Variants in CDH13 observed in about 807,000 individuals in gnomAD.
CDH13 encodes the protein cadherin-13.
In CDH13, 24 loss-of-function variants were observed where a neutral mutation model predicts 63.8. The observed-to-expected ratio is 0.38, with a 90% CI of 0.27 to 0.53. The LOEUF (loss-of-function observed/expected upper bound fraction) is 0.53, where lower values mean the gene tolerates loss of function less well. Among genes scored for constraint, CDH13 ranks in the 20% least tolerant of loss-of-function variants. The pLI, the probability that CDH13 is intolerant of heterozygous loss-of-function variation, is 0.85. For missense variants in CDH13, 1,049 were observed against 903.1 expected (o/e 1.16, Z -2.07); for synonymous variants, 503 against 355.3 (o/e 1.42, Z -4.67).
chr16:83,368,346 C>T (rs927720010), intron 6 of CDH13, among the ~76,000 whole-genome samples: 1 of 152,130 alleles, frequency 6.6e-6, no homozygotes, highest in Non-Finnish European at 1.5e-5. Flanking sequence ...TTGAGCTTAC[C>T]TTTCTAACGT....
At position 82,938,392 on chromosome 16, in the gene CDH13, A is replaced by G. The variant is rs576203217; in HGVS notation, c.157+79919A>G. ...ATTAAATGATCAATGTTTCTTTTAGATTAGCCCTCTCAAATATCAATGGTC... is the reference window on the plus strand; with the variant it reads ...ATTAAATGATCAATGTTTCTTTTAGGTTAGCCCTCTCAAATATCAATGGTC... On this transcript the variant is annotated intron_variant, in intron 2 of 13. Coordinates refer to ENST00000567109, the MANE Select transcript of CDH13 (RefSeq NM_001257.5). Among the ~76,000 whole-genome samples the G allele has an allele frequency of 2.0e-4, 31 of 152,386 alleles. No individual in the cohort carries two copies. In the East Asian group the frequency reaches 5.6e-3, roughly 27 times the overall value.
chr16:83,144,260 C>T (rs1028297218), intron 4 of CDH13, among the ~76,000 whole-genome samples: 1 of 152,044 alleles, frequency 6.6e-6, no homozygotes, highest in Non-Finnish European at 1.5e-5. Context: ...GTCAAGGCAC[C>T]TTTTGTTCCT....
At chr16:83,562,902 G>T (rs1476905772) in intron 7 of CDH13, among the ~76,000 whole-genome samples, 1 of 152,212 alleles carries the variant, frequency 6.6e-6, no homozygotes, top group Admixed American at 6.5e-5. Flanking sequence ...TGGTTAAACT[G>T]TGGGTAGCCA....
intron 2 of CDH13, among the ~76,000 whole-genome samples, chr16:82,956,932 G>A (rs1171324827): frequency 6.6e-6 from 1 of 152,172 alleles, no homozygotes; most frequent in Admixed American, 6.5e-5. Context: ...GTTCTAGATT[G>A]ACATGGTGGC....
chr16:83,664,419 C>G lies in CDH13; in HGVS notation c.1102-6371C>G, dbSNP rs546856128. 2.0e-5 allele frequency among the ~76,000 whole-genome samples: 3 copies of G among 152,122 alleles called. No individual in the cohort carries two copies. The South Asian group carries it at 6.2e-4, about 32-fold the overall frequency. The stretch of plus-strand genomic sequence containing the variant: ...AATCTGTTCTGAGACATCGGGCTTT[C>G]TTAAAACATTGAATGAGCTTTATGT... On this transcript the variant is annotated intron_variant, in intron 8 of 13. Coordinates refer to ENST00000567109, the MANE Select transcript of CDH13 (RefSeq NM_001257.5).
At chr16:83,397,551 C>A (rs1036985327) in intron 6 of CDH13, 2 of 152,204 alleles carry the variant, frequency 1.3e-5, no homozygotes, top group Non-Finnish European at 2.9e-5. Flanking sequence ...TGGAAAACAG[C>A]ATCGTGTATT....
chr16:83,410,189 A>C (rs929017454), intron 6 of CDH13, among the ~76,000 whole-genome samples: 3 of 152,152 alleles, frequency 2.0e-5, no homozygotes, highest in African/African-American at 7.2e-5. Context: ...CCAAGTTGTT[A>C]ATGGAATTCA....
chr16:83,602,429 A>G (rs1480573719), intron 7 of CDH13, 25 bp from the exon 8 acceptor site: 5 of 1,613,480 alleles, frequency 3.1e-6, no homozygotes, highest in Non-Finnish European at 3.4e-6. Flanking sequence ...ATGTCATATT[A>G]TTTCTTTGTG....
intron 5 of CDH13, among the ~76,000 whole-genome samples, chr16:83,267,887 A>C (rs1170854165): frequency 6.6e-6 from 1 of 152,206 alleles, no homozygotes; most frequent in Non-Finnish European, 1.5e-5. Context: ...CATGCCCCAC[A>C]CATGTGCTCT....
chr16:83,630,118 A>C (rs572583743), intron 8 of CDH13, among the ~76,000 whole-genome samples: 1 of 151,312 alleles, frequency 6.6e-6, no homozygotes, highest in East Asian at 2.0e-4. Flanking sequence ...TTGATCTCAG[A>C]CCTGCCTTTA....
At chr16:82,915,100 A>G (rs941424307) in intron 2 of CDH13, among the ~76,000 whole-genome samples, 1 of 152,246 alleles carries the variant, frequency 6.6e-6, no homozygotes, top group African/African-American at 2.4e-5. Context: ...TGTAACCCTG[A>G]GACAGCTTAA....
At chr16:82,702,980 C>G (rs2031174287) in intron 1 of CDH13, among the ~76,000 whole-genome samples, 1 of 152,114 alleles carries the variant, frequency 6.6e-6, no homozygotes, top group Non-Finnish European at 1.5e-5. Flanking sequence ...AGGGTGTATC[C>G]TCTCCACTGC....
In CDH13 at chr16:83,800,210, G is replaced by C. The variant is rs1904310921; in HGVS notation, c.*5180G>C. The C allele has an allele frequency of 1.3e-5, 2 of 152,092 alleles. No homozygotes were observed. The highest frequency in any genetic ancestry group is 1.3e-4 in the Admixed American group (2 of 15,262). The allele number at this position is 152,092 out of a possible 1,614,324, so 9.4% of individuals were successfully genotyped here. ...AAGCTATGAAGATTTGGAGAAAGGG[G>C]CTTATAGAAGCACTATGAAAATAAA... On this transcript the variant is annotated 3_prime_UTR_variant, in exon 14 of 14. Coordinates refer to ENST00000567109, the MANE Select transcript of CDH13 (RefSeq NM_001257.5).
intron 2 of CDH13, among the ~76,000 whole-genome samples, chr16:82,946,128 T>C (rs1339114263): frequency 6.6e-6 from 1 of 151,806 alleles, no homozygotes; most frequent in African/African-American, 2.4e-5. Context: ...CCTGTGTCTT[T>C]TGCAACATGT....
At position 82,858,394 on chromosome 16, in the gene CDH13, C is replaced by G; in HGVS notation, c.78C>G (p.Asp26Glu). 1 of 1,613,556 alleles carries G rather than the reference C, an allele frequency of 6.2e-7. No individual in the cohort carries two copies. The highest frequency in any genetic ancestry group is 8.5e-7 in the Non-Finnish European group (1 of 1,179,496). ...VLLLTSAEDL[D>E]CTPGFQQKVF... ...TGCTAACATCTGCAGAAGATTTGGA[C>G]TGCACTCCTGGATTTCAGCAGAAAG... The change falls in exon 2 of 14, where the codon GAC (aspartate) becomes GAG (glutamate). Residue 26 changes from aspartate to glutamate, a missense_variant. Asp to Glu is a conservative substitution (Grantham distance 45). Transcript: ENST00000567109.
At chr16:82,881,553 C>G (rs1041559201) in intron 2 of CDH13, among the ~76,000 whole-genome samples, 1 of 152,152 alleles carries the variant, frequency 6.6e-6, no homozygotes, top group Non-Finnish European at 1.5e-5. Context: ...TGTCTTTAGC[C>G]AAGGTAACCC....
At chr16:83,201,453 T>C (rs1245873368) in intron 4 of CDH13, among the ~76,000 whole-genome samples, 1 of 151,488 alleles carries the variant, frequency 6.6e-6, no homozygotes, top group African/African-American at 2.4e-5. Flanking sequence ...GAGTATAAAT[T>C]GAGATTTCTG....
intron 2 of CDH13, among the ~76,000 whole-genome samples, chr16:82,911,182 A>C (rs999402529): frequency 3.3e-5 from 5 of 152,184 alleles, no homozygotes; most frequent in Non-Finnish European, 7.4e-5. Flanking sequence ...CCGAGCGCTG[A>C]AATTCTTTGC....
At chr16:82,747,721 G>A (rs890624395) in intron 1 of CDH13, among the ~76,000 whole-genome samples, 2 of 152,176 alleles carry the variant, frequency 1.3e-5, no homozygotes, top group African/African-American at 4.8e-5. Flanking sequence ...TTACAAATTA[G>A]TCTTTTCAAA....
Sources: allele counts gnomAD v4.1 joint callset (sites outside exome capture counted in the v4.1 genomes callset), GRCh38; gene constraint gnomAD v4.1.1; transcripts MANE v1.5; gene names NCBI Gene and HGNC (gene_info 2026-07-23, HGNC 2026-07-21).